Variants in LRRTM4 observed in about 807,000 individuals in gnomAD.
LRRTM4 encodes leucine rich repeat transmembrane neuronal 4.
LRRTM4 carries 25 observed loss-of-function variants against 47.6 expected under a neutral mutation model. The observed-to-expected ratio is 0.53, with a 90% CI of 0.38 to 0.73. The LOEUF is 0.73. Among genes scored for constraint, LRRTM4 ranks in the 30% least tolerant of loss-of-function variants. LRRTM4 has a pLI of 0.00. For missense variants in LRRTM4, 638 were observed against 713.4 expected (o/e 0.89, Z 1.20); for synonymous variants, 311 against 269.5 (o/e 1.15, Z -1.51).
At chr2:77,205,325 C>G (rs1173843494) in intron 3 of LRRTM4, among the ~76,000 whole-genome samples, 1 of 152,022 alleles carries the variant, frequency 6.6e-6, no homozygotes, top group Admixed American at 6.6e-5. Flanking sequence ...TTGGAATGTA[C>G]CGTGGAAGAA....
chr2:77,043,288 C>G (rs562369747), intron 3 of LRRTM4, among the ~76,000 whole-genome samples: 1 of 151,802 alleles, frequency 6.6e-6, no homozygotes, highest in Non-Finnish European at 1.5e-5. Flanking sequence ...CAACTAATAA[C>G]TGACTTTCTT....
chr2:77,325,739 T>A (rs769905541), intron 3 of LRRTM4, among the ~76,000 whole-genome samples: 10 of 152,280 alleles, frequency 6.6e-5, no homozygotes, highest in Non-Finnish European at 1.5e-4. Flanking sequence ...GTACTATGTA[T>A]CGGAAAAAAG....
intron 3 of LRRTM4, among the ~76,000 whole-genome samples, chr2:77,426,391 A>T (rs72920001): frequency 0.061 from 9,247 of 152,162 alleles, 918 homozygotes; most frequent in African/African-American, 0.21. Flanking sequence ...ATTCCATCAC[A>T]TTGATCAGAT....
intron 3 of LRRTM4, among the ~76,000 whole-genome samples, chr2:77,338,871 T>A (rs907632264): frequency 3.9e-5 from 6 of 152,184 alleles, no homozygotes; most frequent in African/African-American, 1.4e-4. Context: ...AATGGTGGAC[T>A]GGATGAAGAA....
rs1558771652 is a variant in LRRTM4, at chr2:76,974,203, T to TATAC, written c.1552-225288_1552-225287insGTAT. 4.2e-4 allele frequency among the ~76,000 whole-genome samples: 34 copies of TATAC among 80,226 alleles called. 1 individual carries two copies. Among genetic ancestry groups the TATAC allele is most frequent in the African/African-American group, 2.6e-3 (29 of 11,364 alleles). 52.6% of individuals were successfully genotyped at this position (80,226 alleles called of 152,430 possible). A position where few individuals can be genotyped will look rare whatever the true frequency, so the allele number is the denominator to read the frequency against. ...ATATACATACATATATATACATATA[T>TATAC]ATATATACACATATATATACATACA... On this transcript the variant is annotated intron_variant, in intron 3 of 3. Transcript: ENST00000409884.
intron 3 of LRRTM4, among the ~76,000 whole-genome samples, chr2:76,996,852 C>T (rs763127651): frequency 4.6e-5 from 7 of 152,184 alleles, no homozygotes; most frequent in Admixed American, 6.5e-5. Context: ...AGAGTCATAC[C>T]TATTGCAATC....
At chr2:76,878,057 G>T (rs1050608264) in intron 3 of LRRTM4, among the ~76,000 whole-genome samples, 1 of 152,134 alleles carries the variant, frequency 6.6e-6, no homozygotes, top group Middle Eastern at 3.4e-3. Context: ...TTTTGCAACA[G>T]CGTATGTTCA....
At chr2:77,317,267 A>G (rs888457378) in intron 3 of LRRTM4, among the ~76,000 whole-genome samples, 10 of 152,210 alleles carry the variant, frequency 6.6e-5, no homozygotes, top group Non-Finnish European at 1.5e-4. Flanking sequence ...TTGCAATTTT[A>G]TAAATAATGG....
intron 3 of LRRTM4, among the ~76,000 whole-genome samples, chr2:77,388,451 C>G (rs1673373671): frequency 6.6e-6 from 1 of 152,126 alleles, no homozygotes; most frequent in African/African-American, 2.4e-5. Context: ...GAGCTTCTCA[C>G]TTTCATTCAT....
intron 3 of LRRTM4, among the ~76,000 whole-genome samples, chr2:76,895,356 T>C (rs1929453): frequency 0.081 from 12,326 of 152,082 alleles, 896 homozygotes; most frequent in East Asian, 0.38. Flanking sequence ...GAAAATTTAG[T>C]AATTATAAAA....
At chr2:77,137,691 A>G (rs2103750143) in intron 3 of LRRTM4, among the ~76,000 whole-genome samples, 1 of 152,308 alleles carries the variant, frequency 6.6e-6, no homozygotes, top group African/African-American at 2.4e-5. Context: ...AATTGGAAAA[A>G]GAGTCAAGAC....
At chr2:76,905,854 C>A (rs1376094377) in intron 3 of LRRTM4, among the ~76,000 whole-genome samples, 1 of 152,080 alleles carries the variant, frequency 6.6e-6, no homozygotes, top group Non-Finnish European at 1.5e-5. Flanking sequence ...TGTGAAAAGA[C>A]CAAATCTACA....
At chr2:77,395,564 C>T (rs1465346701) in intron 3 of LRRTM4, among the ~76,000 whole-genome samples, 1 of 151,912 alleles carries the variant, frequency 6.6e-6, no homozygotes, top group Non-Finnish European at 1.5e-5. Context: ...TTATCTCAAG[C>T]CTCTTTAGCC....
At chr2:76,771,351 G>A (rs991307533) in intron 3 of LRRTM4, among the ~76,000 whole-genome samples, 4 of 152,098 alleles carry the variant, frequency 2.6e-5, no homozygotes, top group Non-Finnish European at 5.9e-5. Flanking sequence ...TGAGATAGAA[G>A]AAAGAAAACA....
chr2:77,055,622 G>C (rs1454375344), intron 3 of LRRTM4, among the ~76,000 whole-genome samples: 1 of 152,184 alleles, frequency 6.6e-6, no homozygotes, highest in African/African-American at 2.4e-5. Flanking sequence ...CATTGTGGAA[G>C]TCAGTGTGGC....
intron 3 of LRRTM4, among the ~76,000 whole-genome samples, chr2:77,426,335 C>T (rs982655737): frequency 1.3e-5 from 2 of 152,086 alleles, no homozygotes; most frequent in African/African-American, 4.8e-5. Context: ...TACATGTACC[C>T]CCCAGCTTCC....
intron 3 of LRRTM4, among the ~76,000 whole-genome samples, chr2:77,243,594 G>C (rs1017947508): frequency 4.0e-5 from 6 of 150,224 alleles, no homozygotes; most frequent in African/African-American, 1.5e-4. Context: ...GCAAGTTGAA[G>C]AGAGTTCTAG....
chr2:76,975,569 T>C (rs1187579505), intron 3 of LRRTM4, among the ~76,000 whole-genome samples: 1 of 151,732 alleles, frequency 6.6e-6, no homozygotes, highest in African/African-American at 2.4e-5. Flanking sequence ...CTAACATTAC[T>C]GTGGCTCCAT....
chr2:76,946,110 G>A (rs10520173), intron 3 of LRRTM4, among the ~76,000 whole-genome samples: 7,988 of 151,854 alleles, frequency 0.053, 482 homozygotes, highest in East Asian at 0.14. Flanking sequence ...TTAAAAGTCA[G>A]TATTTTCCCT....
Sources: gnomAD v4.1 joint callset for allele counts (sites outside exome capture counted in the v4.1 genomes callset) on GRCh38, gnomAD v4.1.1 for gene constraint, MANE v1.5 for transcripts, NCBI Gene and HGNC (gene_info 2026-07-23, HGNC 2026-07-21) for gene names.